RAD18: variants seen among roughly 807,000 people sequenced by gnomAD.
RAD18 encodes the protein RAD18 E3 ubiquitin protein ligase.
A neutral mutation model predicts 60.4 loss-of-function variants in RAD18; 47 were observed. The ratio of observed to expected loss-of-function variants is 0.78; its 90% CI spans 0.62 to 0.99. The LOEUF is 0.99. Ranked by LOEUF, RAD18 falls within the 50% of genes least tolerant of loss-of-function variation. The pLI, the probability that RAD18 is intolerant of heterozygous loss-of-function variation, is 0.00. For synonymous variants in RAD18, 225 were observed against 195.5 expected, an observed-to-expected ratio of 1.15 and a Z score of -1.26; for missense variants, 640 against 593.3, an observed-to-expected ratio of 1.08 and a Z score of -0.82.
At chr3:8,932,725 G>A (rs1352109484) in intron 7 of RAD18, among the ~76,000 whole-genome samples, 1 of 152,164 alleles carries the variant, frequency 6.6e-6, no homozygotes, top group Non-Finnish European at 1.5e-5. Flanking sequence ...ACTGGACACA[G>A]TCCAGTTGTC....
chr3:8,955,480 C>A (rs73022072), intron 2 of RAD18, among the ~76,000 whole-genome samples: 2,337 of 152,236 alleles, frequency 0.015, 29 homozygotes, highest in Non-Finnish European at 0.025. Context: ...TATAGCTCTG[C>A]GGCTTATCTT....
intron 6 of RAD18, 98 bp from the exon 7 acceptor site, chr3:8,936,153 G>A: frequency 2.3e-5 from 27 of 1,160,806 alleles, no homozygotes; most frequent in Non-Finnish European, 3.2e-5. Flanking sequence ...TGGGTGACCG[G>A]GAAAATAGTA....
intron 7 of RAD18, among the ~76,000 whole-genome samples, chr3:8,922,082 C>G (rs950768856): frequency 6.6e-6 from 1 of 152,162 alleles, no homozygotes; most frequent in African/African-American, 2.4e-5. Flanking sequence ...GATTTTCGGA[C>G]AGTGGGTGCA....
At chr3:8,933,050 C>T (rs567405374) in intron 7 of RAD18, among the ~76,000 whole-genome samples, 72 of 152,030 alleles carry the variant, frequency 4.7e-4, no homozygotes, top group Non-Finnish European at 9.3e-4. Flanking sequence ...GAGCCGAGAT[C>T]GCGCCATTGC....
intron 12 of RAD18, among the ~76,000 whole-genome samples, chr3:8,882,510 G>A (rs1306002311): frequency 5.3e-5 from 8 of 152,116 alleles, no homozygotes; most frequent in Admixed American, 2.6e-4. Context: ...GGCACACAGG[G>A]CCTACCTAAG....
rs571810331 is a variant in RAD18, at chr3:8,883,713, G to A, written c.1386-2254C>T. Among the ~76,000 whole-genome samples the A allele has an allele frequency of 3.3e-5, 5 of 152,162 alleles. 1 individual carries two copies. The East Asian group carries it at 9.6e-4, about 29-fold the overall frequency. ...AAGCATGCACGGAAGCTCTATGAAT[G>A]AGAGTGACCCTCTAGATTCCCAGGA... On this transcript the variant is annotated intron_variant, in intron 12 of 12. Transcript: ENST00000264926.
chr3:8,916,359 C>A (rs1263031871), intron 7 of RAD18, among the ~76,000 whole-genome samples: 1 of 152,150 alleles, frequency 6.6e-6, no homozygotes, highest in Non-Finnish European at 1.5e-5. Flanking sequence ...CTAGCATGAT[C>A]CAAGTGATAC....
intron 6 of RAD18, among the ~76,000 whole-genome samples, chr3:8,938,318 G>A (rs1233079831): frequency 6.6e-6 from 1 of 152,134 alleles, no homozygotes; most frequent in African/African-American, 2.4e-5. Flanking sequence ...AGTTGTAACA[G>A]TATGAATCTG....
intron 1 of RAD18, among the ~76,000 whole-genome samples, chr3:8,962,220 T>G (rs905734241): frequency 6.6e-6 from 1 of 152,192 alleles, no homozygotes; most frequent in Non-Finnish European, 1.5e-5. Flanking sequence ...GAGGTTAAGT[T>G]ACTAACCGAA....
chr3:8,885,439 A>G (rs1939542579), intron 12 of RAD18, among the ~76,000 whole-genome samples: 1 of 152,256 alleles, frequency 6.6e-6, no homozygotes, highest in African/African-American at 2.4e-5. Context: ...TTATAAGATT[A>G]GAGAAAGTTA....
intron 2 of RAD18, among the ~76,000 whole-genome samples, chr3:8,955,858 TG>T (rs1044168424): frequency 6.5e-4 from 99 of 152,288 alleles, no homozygotes; most frequent in African/African-American, 2.3e-3. Flanking sequence ...TATATGGTAG[TG>T]CCCCCTTATA....
At chr3:8,894,024 C>G (rs1038624590) in intron 11 of RAD18, among the ~76,000 whole-genome samples, 2 of 152,004 alleles carry the variant, frequency 1.3e-5, no homozygotes, top group Non-Finnish European at 2.9e-5. Context: ...CAGAAGCACC[C>G]TAAGTTTTCT....
chr3:8,948,896 C>CTGGAAAG (rs1940882094), intron 2 of RAD18, among the ~76,000 whole-genome samples: 1 of 152,114 alleles, frequency 6.6e-6, no homozygotes, highest in Non-Finnish European at 1.5e-5. Context: ...ATCTCTACTG[C>CTGGAAAG]TTATCATTTG....
At chr3:8,917,188 C>T (rs395559) in intron 7 of RAD18, among the ~76,000 whole-genome samples, 106,131 of 152,014 alleles carry the variant, frequency 0.7, 37,531 homozygotes, top group Middle Eastern at 0.77. Context: ...GAAAAAAGCC[C>T]GCCAATCCAG....
At position 8,959,125 on chromosome 3, in the gene RAD18, A is replaced by G. The variant is rs1941058274; in HGVS notation, c.52-124T>C. ...TCTTTGTCAAATACACAAATTCAAA[A>G]GCTAACTCCAGATAAACTGCAAGGG... On this transcript the variant is annotated intron_variant, in intron 1 of 12. Coordinates refer to ENST00000264926, the MANE Select transcript of RAD18 (RefSeq NM_020165.4). 9.5e-6 allele frequency: 7 copies of G among 740,520 alleles called. No individual in the cohort carries two copies. In the East Asian group the frequency reaches 1.7e-4, roughly 18 times the overall value. 45.9% of individuals were successfully genotyped at this position (740,520 alleles called of 1,614,324 possible).
At chr3:8,882,741 T>C (rs1939492863) in intron 12 of RAD18, among the ~76,000 whole-genome samples, 1 of 152,034 alleles carries the variant, frequency 6.6e-6, no homozygotes, top group Non-Finnish European at 1.5e-5. Context: ...TAAGCAGAAG[T>C]CAAAGCAGCC....
intron 2 of RAD18, among the ~76,000 whole-genome samples, chr3:8,950,637 C>T (rs1053094613): frequency 2.0e-5 from 3 of 151,968 alleles, no homozygotes; most frequent in Non-Finnish European, 2.9e-5. Context: ...CAGTTATTAA[C>T]AAAAAAACCA....
intron 7 of RAD18, among the ~76,000 whole-genome samples, chr3:8,926,133 C>A (rs1478386900): frequency 6.6e-6 from 1 of 152,072 alleles, no homozygotes; most frequent in African/African-American, 2.4e-5. Context: ...TCCCTGTTTG[C>A]AGATGACATG....
At chr3:8,928,718 T>C (rs1419043221) in intron 7 of RAD18, among the ~76,000 whole-genome samples, 1 of 152,190 alleles carries the variant, frequency 6.6e-6, no homozygotes, top group Non-Finnish European at 1.5e-5. Context: ...GTAAACAGAA[T>C]ATCAGCAAGG....
Sources: gnomAD v4.1 joint callset for allele counts (sites outside exome capture counted in the v4.1 genomes callset) on GRCh38, gnomAD v4.1.1 for gene constraint, MANE v1.5 for transcripts, NCBI Gene and HGNC (gene_info 2026-07-23, HGNC 2026-07-21) for gene names.